Variants in CCSER1 observed in about 807,000 individuals in gnomAD.
CCSER1 encodes serine-rich coiled-coil domain-containing protein 1.
In CCSER1, 41 loss-of-function variants were observed where a neutral mutation model predicts 82.0. The ratio of observed to expected loss-of-function variants is 0.50; its 90% confidence interval spans 0.39 to 0.65. CCSER1 has a LOEUF of 0.65. Among genes scored for constraint, CCSER1 ranks in the 30% least tolerant of loss-of-function variants. The pLI, the probability that CCSER1 is intolerant of heterozygous loss-of-function variation, is 0.00. For synonymous variants in CCSER1, 414 were observed against 383.9 expected, an observed-to-expected ratio of 1.08 and a Z score of -0.92; for missense variants, 1,119 against 1,064.2, an observed-to-expected ratio of 1.05 and a Z score of -0.72.
chr4:90,159,332 ACCATGCCTGGC>A (rs1449277744), intron 1 of CCSER1, among the ~76,000 whole-genome samples: 2 of 152,104 alleles, frequency 1.3e-5, no homozygotes, highest in Non-Finnish European at 2.9e-5. Context: ...GGCATGAACC[ACCATGCCTGGC>A]CCATTGCCAG....
intron 3 of CCSER1, among the ~76,000 whole-genome samples, chr4:90,354,095 T>A (rs962648379): frequency 6.6e-6 from 1 of 152,162 alleles, no homozygotes; most frequent in Non-Finnish European, 1.5e-5. Flanking sequence ...TATATTAATG[T>A]AATGAAATAC....
intron 10 of CCSER1, among the ~76,000 whole-genome samples, chr4:91,434,966 C>T (rs948643159): frequency 1.3e-5 from 2 of 152,094 alleles, no homozygotes; most frequent in Non-Finnish European, 2.9e-5. Flanking sequence ...CCTAACATGG[C>T]CGTAGAGTTC....
chr4:90,191,392 C>T lies in CCSER1; in HGVS notation c.-42+63561C>T, dbSNP rs115943504. On this transcript the variant is annotated intron_variant, in intron 1 of 10. Transcript: ENST00000509176. ...GAAAGAGGTTTTTTGCCCCCCAGTT[C>T]CTAGTGCCAAGCTGGCCTGGCCCTT... Among the ~76,000 whole-genome samples, 1,417 of 152,086 alleles carry T rather than the reference C, an allele frequency of 9.3e-3. 9 individuals carry two copies. Among genetic ancestry groups the T allele is most frequent in the Middle Eastern group, 0.02 (6 of 294 alleles).
rs1036845161 is a variant in CCSER1 at position 90,342,519 on chromosome 4, C to T, written c.1509+29472C>T. On this transcript the variant is annotated intron_variant, in intron 3 of 10. Coordinates refer to ENST00000509176, the MANE Select transcript of CCSER1 (RefSeq NM_001145065.2). ...TCTACTCACTCAATTTCTGGCAATA[C>T]TTCCCACATATACATTTCTATACTT... 5.9e-5 allele frequency among the ~76,000 whole-genome samples: 9 copies of T among 152,116 alleles called. No individual in the cohort carries two copies. The South Asian group carries it at 6.2e-4, about 11-fold the overall frequency.
At chr4:91,506,268 C>T (rs917595990) in intron 10 of CCSER1, among the ~76,000 whole-genome samples, 1 of 152,142 alleles carries the variant, frequency 6.6e-6, no homozygotes, top group African/African-American at 2.4e-5. Context: ...TTCCTGAGAT[C>T]TCTGTTCTGT....
intron 1 of CCSER1, among the ~76,000 whole-genome samples, chr4:90,264,439 A>T (rs752266967): frequency 1.3e-5 from 2 of 152,166 alleles, no homozygotes; most frequent in East Asian, 3.9e-4. Flanking sequence ...ATTGGCTATT[A>T]ACTTTATAAA....
At chr4:90,526,284 A>C (rs900521289) in intron 5 of CCSER1, among the ~76,000 whole-genome samples, 1 of 152,168 alleles carries the variant, frequency 6.6e-6, no homozygotes, top group Non-Finnish European at 1.5e-5. Context: ...TTTCAATAAA[A>C]CAAAACCAAG....
intron 8 of CCSER1, among the ~76,000 whole-genome samples, chr4:90,819,194 G>C (rs11727543): frequency 2.6e-5 from 4 of 151,810 alleles, no homozygotes; most frequent in African/African-American, 7.3e-5. Context: ...GAGATCATGT[G>C]AGCCCTCTGA....
chr4:90,793,614 A>G (rs1755577119), intron 7 of CCSER1, among the ~76,000 whole-genome samples: 1 of 152,214 alleles, frequency 6.6e-6, no homozygotes, highest in African/African-American at 2.4e-5. Flanking sequence ...TGCCATTGTG[A>G]ATAGTGCTGC....
intron 9 of CCSER1, among the ~76,000 whole-genome samples, chr4:90,927,992 A>G (rs1729271458): frequency 6.6e-6 from 1 of 151,944 alleles, no homozygotes; most frequent in Admixed American, 6.6e-5. Context: ...TAGTTTATTA[A>G]AGTTTCTGTT....
At chr4:90,771,269 G>A (rs868226109) in intron 7 of CCSER1, among the ~76,000 whole-genome samples, 4 of 151,660 alleles carry the variant, frequency 2.6e-5, no homozygotes, top group Non-Finnish European at 5.9e-5. Flanking sequence ...CATTTCTAAT[G>A]ATACTTTGCT....
intron 4 of CCSER1, among the ~76,000 whole-genome samples, chr4:90,401,924 A>G (rs1239003288): frequency 6.6e-6 from 1 of 152,258 alleles, no homozygotes; most frequent in Non-Finnish European, 1.5e-5. Context: ...ATTCTCTAAC[A>G]TCACAAAAAG....
chr4:91,518,569 C>A (rs1470395986), intron 10 of CCSER1, among the ~76,000 whole-genome samples: 1 of 152,116 alleles, frequency 6.6e-6, no homozygotes, highest in Non-Finnish European at 1.5e-5. Context: ...GAGGGTGGGG[C>A]AGCTGTACTG....
chr4:90,317,500 T>C (rs776518030), intron 3 of CCSER1, among the ~76,000 whole-genome samples: 2 of 152,150 alleles, frequency 1.3e-5, no homozygotes, highest in African/African-American at 2.4e-5. Context: ...CCAGTGCCTG[T>C]AATCCCAGCT....
rs986846472 is a variant in CCSER1 at position 91,152,845 on chromosome 4, C to G, written c.2217+66851C>G. The stretch of plus-strand genomic sequence containing the variant: ...TTTCTTTAAGAATGTTGAATATTAG[C>G]CCCCACTCTCTTCTGGCTTGTAGAG... On this transcript the variant is annotated intron_variant, in intron 10 of 10. Transcript: ENST00000509176. Among the ~76,000 whole-genome samples the G allele has an allele frequency of 2.0e-5, 3 of 151,988 alleles. 1 individual carries two copies. Among genetic ancestry groups the G allele is most frequent in the Non-Finnish European group, 2.9e-5 (2 of 67,930 alleles).
chr4:90,758,534 G>A (rs918191314), intron 7 of CCSER1, among the ~76,000 whole-genome samples: 1 of 152,078 alleles, frequency 6.6e-6, no homozygotes, highest in Non-Finnish European at 1.5e-5. Context: ...ATATAATTCA[G>A]ATAGCAGTTT....
At position 91,102,702 on chromosome 4, in the gene CCSER1, AACTT is replaced by A. The variant is rs899853495; in HGVS notation, c.2217+16711_2217+16714del. On this transcript the variant is annotated intron_variant, in intron 10 of 10. Transcript: ENST00000509176. ...TTATTTGAAAGTATATTCATAAACA[AACTT>A]ACAGTGTTTTTGTGTGTGCAACTGA... Among the ~76,000 whole-genome samples, 16 of 135,408 alleles carry A rather than the reference AACTT, an allele frequency of 1.2e-4. No homozygotes were observed. In the East Asian group the frequency reaches 2.7e-3, roughly 23 times the overall value. The allele number at this position is 135,408 out of a possible 152,430, so 88.8% of individuals were successfully genotyped here.
intron 10 of CCSER1, among the ~76,000 whole-genome samples, chr4:91,177,456 T>C (rs1306931058): frequency 3.9e-5 from 6 of 152,176 alleles, no homozygotes; most frequent in Admixed American, 2.6e-4. Context: ...TCCTGGACTT[T>C]TTTTGGTTGG....
intron 8 of CCSER1, among the ~76,000 whole-genome samples, chr4:90,879,527 AGAG>A (rs1203457449): frequency 2.1e-3 from 320 of 150,138 alleles, no homozygotes; most frequent in South Asian, 5.3e-3. Flanking sequence ...AGGAAGAGGA[AGAG>A]GAAGAAGAAG....
Sources: gnomAD v4.1 joint callset for allele counts (sites outside exome capture counted in the v4.1 genomes callset) on GRCh38, gnomAD v4.1.1 for gene constraint, MANE v1.5 for transcripts, NCBI Gene and HGNC (gene_info 2026-07-23, HGNC 2026-07-21) for gene names.